HNRNPA1L2: variants seen among roughly 807,000 people sequenced by gnomAD.
HNRNPA1L2 encodes heterogeneous nuclear ribonucleoprotein A1-like 2.
In HNRNPA1L2, 10 loss-of-function variants were observed where a neutral mutation model predicts 18.2. That is an observed-to-expected ratio of 0.55 (90% CI 0.34 to 0.93). The LOEUF (loss-of-function observed/expected upper bound fraction) is 0.93. Ranked by LOEUF, HNRNPA1L2 falls within the 40% of genes least tolerant of loss-of-function variation. HNRNPA1L2 has a pLI of 0.02. For synonymous variants in HNRNPA1L2, 124 were observed against 138.6 expected (o/e 0.89, Z 0.74); for missense variants, 308 against 394.4 (o/e 0.78, Z 1.85).
At chr13:52,636,028 G>T in the HNRNPA1L2 span, among the ~76,000 whole-genome samples, 23 of 151,958 alleles carry the variant, frequency 1.5e-4, no homozygotes, top group African/African-American at 4.8e-4. Flanking sequence ...GTAAAGATGG[G>T]GTTTCATCAT....
the HNRNPA1L2 span, among the ~76,000 whole-genome samples, chr13:52,623,792 A>G: frequency 1.3e-5 from 2 of 152,338 alleles, no homozygotes; most frequent in Non-Finnish European, 2.9e-5. Flanking sequence ...ACTTAGTGGC[A>G]TAAAACATTC....
chr13:52,619,413 A>G, the HNRNPA1L2 span, among the ~76,000 whole-genome samples: 3 of 152,094 alleles, frequency 2.0e-5, no homozygotes, highest in Non-Finnish European at 4.4e-5. Flanking sequence ...CCCTGGTTCA[A>G]GCGATTCTTG....
At chr13:52,640,157 T>C (rs1325553890), upstream of HNRNPA1L2, among the ~76,000 whole-genome samples, 2 of 152,130 alleles carry the variant, frequency 1.3e-5, no homozygotes, top group Admixed American at 1.3e-4. Context: ...TCCTGTCTGG[T>C]CTCCAACTCC....
Position 52,643,439 on chromosome 13 carries a change from G to A in HNRNPA1L2, c.947G>A (p.Ser316Asn). ...GVSSSSSSYG[S>N]GRRF ...TCCAGCAGCAGCAGTAGCTATGGCA[G>A]TGGCAGAAGATTTTAATTAGGAAAC... The change falls in exon 1 of 1, where the codon AGT (serine) becomes AAT (asparagine). Residue 316 changes from serine (S) to asparagine (N), a missense_variant. Transcript: ENST00000357495. 1 of 1,598,058 alleles carries A rather than the reference G, an allele frequency of 6.3e-7. No individual in the cohort carries two copies. Among genetic ancestry groups the A allele is most frequent in the Non-Finnish European group, 8.5e-7 (1 of 1,179,664 alleles).
In HNRNPA1L2 at chr13:52,643,246, A is replaced by C. The variant is rs1319501489; in HGVS notation, c.754A>C (p.Ser252Arg). ...CTATAATGGATTTGGTAATGATGGA[A>C]GCAATTTTGGAGGTGGTGGAAGCTA... is the stretch of plus-strand genomic sequence containing the variant. ...DGYNGFGNDGSNFGGGGSYND... is the reference protein window; with the variant it reads ...DGYNGFGNDGRNFGGGGSYND... The change falls in exon 1 of 1, where the codon AGC becomes CGC. Residue 252 changes from serine (S) to arginine (R), a missense_variant. Ser to Arg is a moderately radical substitution (Grantham distance 110). Transcript: ENST00000357495. The C allele has an allele frequency of 1.3e-6, 2 of 1,595,448 alleles. No individual in the cohort carries two copies. Among genetic ancestry groups the C allele is most frequent in the African/African-American group, 1.3e-5 (1 of 74,788 alleles).
the HNRNPA1L2 span, among the ~76,000 whole-genome samples, chr13:52,635,932 G>A: frequency 6.6e-6 from 1 of 151,904 alleles, no homozygotes; most frequent in African/African-American, 2.4e-5. Flanking sequence ...CTGGGTCCCG[G>A]TTGAAGCATT....
chr13:52,643,546 G>A lies in HNRNPA1L2; in HGVS notation c.*91G>A. On this transcript the variant is annotated 3_prime_UTR_variant, in exon 1 of 1. Coordinates refer to ENST00000357495, the MANE Select transcript of HNRNPA1L2 (RefSeq NM_001389320.1). ...AGATTTGTGAACTCAGCCAAGCACA[G>A]TGGTGGCAGGGCCTAGCTGCTACAA... is the stretch of plus-strand genomic sequence containing the variant. 3 of 1,028,206 alleles carry A rather than the reference G, an allele frequency of 2.9e-6. No homozygotes were observed. Among genetic ancestry groups the A allele is most frequent in the Non-Finnish European group, 4.4e-6 (3 of 676,600 alleles). 63.7% of individuals were successfully genotyped at this position (1,028,206 alleles called of 1,614,324 possible).
the HNRNPA1L2 span, among the ~76,000 whole-genome samples, chr13:52,632,985 C>CTGG: frequency 6.6e-6 from 1 of 152,218 alleles, no homozygotes; most frequent in Admixed American, 6.5e-5. Context: ...CTTAAGTAAC[C>CTGG]TGGTGGGAGA....
chr13:52,633,874 A>G, the HNRNPA1L2 span, among the ~76,000 whole-genome samples: 2 of 152,140 alleles, frequency 1.3e-5, no homozygotes, highest in East Asian at 3.8e-4. Context: ...CCAATGACTC[A>G]TTTAATCTTT....
chr13:52,629,185 AT>A, the HNRNPA1L2 span: 1 of 155,366 alleles, frequency 6.4e-6, no homozygotes, highest in African/African-American at 2.4e-5. Context: ...TGTAGCTGAG[AT>A]TTCTAATGCA....
chr13:52,641,814 T>C (rs1961666504), upstream of HNRNPA1L2: 1 of 152,244 alleles, frequency 6.6e-6, no homozygotes, highest in Admixed American at 6.5e-5. Context: ...AGAATAAGAA[T>C]GTTTTCAATT....
At chr13:52,641,156 T>G (rs911921736), upstream of HNRNPA1L2, 9 of 152,226 alleles carry the variant, frequency 5.9e-5, no homozygotes, top group Non-Finnish European at 1.0e-4. Context: ...TGTCAGTACT[T>G]GGCCTCTCCA....
At chr13:52,641,183 C>G (rs1961643499), upstream of HNRNPA1L2, 1 of 152,184 alleles carries the variant, frequency 6.6e-6, no homozygotes, top group African/African-American at 2.4e-5. Flanking sequence ...ATCATTGACT[C>G]AAGATTGTTT....
chr13:52,633,870 A>G, the HNRNPA1L2 span, among the ~76,000 whole-genome samples: 1 of 151,966 alleles, frequency 6.6e-6, no homozygotes, highest in South Asian at 2.1e-4. Context: ...GCCTCCAATG[A>G]CTCATTTAAT....
the HNRNPA1L2 span, among the ~76,000 whole-genome samples, chr13:52,619,955 A>G: frequency 6.8e-6 from 1 of 146,348 alleles, no homozygotes; most frequent in African/African-American, 2.5e-5. Context: ...AATAATAATT[A>G]TTTTCTTAGA....
chr13:52,643,205 G>C lies in HNRNPA1L2; in HGVS notation c.713G>C (p.Gly238Ala), dbSNP rs543917054. The C allele has an allele frequency of 6.3e-7, 1 of 1,597,706 alleles. No homozygotes were observed. Among genetic ancestry groups the C allele is most frequent in the South Asian group, 1.1e-5 (1 of 90,998 alleles). Reference protein sequence around the residue: ...FGGSCGGGGYGGSGDGYNGFG... With the variant: ...FGGSCGGGGYAGSGDGYNGFG... ...GGCAGCTGTGGTGGTGGTGGATATG[G>C]TGGCAGTGGGGATGGCTATAATGGA... The change falls in exon 1 of 1, where the codon GGT becomes GCT. Residue 238 changes from glycine to alanine, a missense_variant. Gly to Ala is a moderately conservative substitution (Grantham distance 60, BLOSUM62 0). Transcript: ENST00000357495.
the HNRNPA1L2 span, among the ~76,000 whole-genome samples, chr13:52,633,888 C>T: frequency 3.9e-5 from 6 of 152,118 alleles, no homozygotes; most frequent in Admixed American, 2.6e-4. Context: ...AATCTTTCTA[C>T]CAGTTATTTA....
chr13:52,634,307 C>G, the HNRNPA1L2 span, among the ~76,000 whole-genome samples: 1 of 152,186 alleles, frequency 6.6e-6, no homozygotes, highest in Non-Finnish European at 1.5e-5. Context: ...CACTTGGATT[C>G]TGGAAGGAGC....
the HNRNPA1L2 span, among the ~76,000 whole-genome samples, chr13:52,628,663 G>A: frequency 6.6e-6 from 1 of 152,040 alleles, no homozygotes; most frequent in Non-Finnish European, 1.5e-5. Context: ...TTTTATGTTT[G>A]AAATGAATAT....
Sources: allele counts gnomAD v4.1 joint callset (sites outside exome capture counted in the v4.1 genomes callset), GRCh38; gene constraint gnomAD v4.1.1; transcripts MANE v1.5; gene names NCBI Gene and HGNC (gene_info 2026-07-23, HGNC 2026-07-21).